The following ARHGEF26 variants were observed in gnomAD, a reference collection of about 807,000 sequenced individuals.
The protein encoded by ARHGEF26 is Rho guanine nucleotide exchange factor 26.
ARHGEF26 carries 59 observed loss-of-function variants against 89.4 expected under a neutral mutation model. That is an observed-to-expected ratio of 0.66 (90% confidence interval 0.54 to 0.82). The LOEUF (loss-of-function observed/expected upper bound fraction) is 0.82. ARHGEF26 is among the 40% of genes least tolerant of loss of function. The pLI, the probability that ARHGEF26 is intolerant of heterozygous loss-of-function variation, is 0.00. For missense variants in ARHGEF26, 1,234 were observed against 1,085.6 expected (o/e 1.14, Z -1.92); for synonymous variants, 500 against 428.4 (o/e 1.17, Z -2.06).
At chr3:154,171,619 T>C (rs1352960681) in intron 6 of ARHGEF26, among the ~76,000 whole-genome samples, 1 of 152,176 alleles carries the variant, frequency 6.6e-6, no homozygotes, top group Non-Finnish European at 1.5e-5. Context: ...GCAGTAGTTA[T>C]TTGTCCCTTG....
At chr3:154,204,173 C>G (rs1332963149) in intron 9 of ARHGEF26, among the ~76,000 whole-genome samples, 1 of 152,060 alleles carries the variant, frequency 6.6e-6, no homozygotes, top group Non-Finnish European at 1.5e-5. Flanking sequence ...AATCTCATTA[C>G]TTGTTACTGG....
At chr3:154,148,224 AG>A (rs1463337860) in intron 4 of ARHGEF26, among the ~76,000 whole-genome samples, 1 of 152,230 alleles carries the variant, frequency 6.6e-6, no homozygotes, top group Non-Finnish European at 1.5e-5. Flanking sequence ...AGAAACTTTC[AG>A]GCTCCCCAAA....
intron 6 of ARHGEF26, among the ~76,000 whole-genome samples, chr3:154,174,329 T>A (rs1712665739): frequency 1.3e-5 from 2 of 152,160 alleles, no homozygotes; most frequent in South Asian, 4.1e-4. Flanking sequence ...CTAATTTAGG[T>A]TTTTAAAATA....
chr3:154,149,338 A>G, intron 4 of ARHGEF26, 51 bp from the exon 5 acceptor site: 1 of 1,500,692 alleles, frequency 6.7e-7, no homozygotes, highest in Non-Finnish European at 9.1e-7. Flanking sequence ...TGCCCTTGAA[A>G]CTTTTAAAGT....
chr3:154,254,011 G>T (rs74553366), intron 13 of ARHGEF26, among the ~76,000 whole-genome samples: 1,733 of 152,234 alleles, frequency 0.011, 32 homozygotes, highest in African/African-American at 0.04. Flanking sequence ...CGTCTCCTGG[G>T]TTCATACCAT....
intron 10 of ARHGEF26, among the ~76,000 whole-genome samples, chr3:154,223,971 A>G (rs1251459592): frequency 1.2e-5 from 1 of 80,896 alleles, no homozygotes; most frequent in Non-Finnish European, 2.5e-5. Context: ...GATGCCAGGT[A>G]ATAGAAAAAA....
chr3:154,212,493 T>G (rs370061203), intron 9 of ARHGEF26, among the ~76,000 whole-genome samples: 1 of 152,150 alleles, frequency 6.6e-6, no homozygotes, highest in South Asian at 2.1e-4. Context: ...TGGCTTTCTG[T>G]TCCAATATTA....
chr3:154,255,555 T>C lies in ARHGEF26; in HGVS notation c.*82T>C. On this transcript the variant is annotated 3_prime_UTR_variant, in exon 15 of 15. Transcript: ENST00000465093. ...GGTTCTGGGCTAGTTTTATTGTTAA[T>C]TTTGTCACAGCCTATTTAATTAAAA... The C allele has an allele frequency of 6.6e-7, 1 of 1,512,678 alleles. No individual in the cohort carries two copies. The highest frequency in any genetic ancestry group is 8.8e-7 in the Non-Finnish European group (1 of 1,134,618). 93.7% of individuals were successfully genotyped at this position (1,512,678 alleles called of 1,614,324 possible).
chr3:154,131,872 T>C (rs1484235764), intron 4 of ARHGEF26, among the ~76,000 whole-genome samples: 1 of 152,210 alleles, frequency 6.6e-6, no homozygotes, highest in African/African-American at 2.4e-5. Flanking sequence ...ATAGTGCATA[T>C]CCTTCAGTTC....
Position 154,217,267 on chromosome 3 carries a change from G to T in ARHGEF26, c.1846-602G>T, listed in dbSNP as rs1178947120. Among the ~76,000 whole-genome samples the T allele has an allele frequency of 1.1e-4, 17 of 150,818 alleles. 2 individuals carry two copies. The highest frequency in any genetic ancestry group is 2.0e-4 in the East Asian group (1 of 5,004). The stretch of plus-strand genomic sequence containing the variant: ...TGGTATCTCATTGTGGTTTTGATTT[G>T]CATTTCTCTGATGGCCAGTGATGAT... On this transcript the variant is annotated intron_variant, in intron 9 of 14. Coordinates refer to ENST00000465093, the MANE Select transcript of ARHGEF26 (RefSeq NM_015595.4).
At chr3:154,162,465 T>G (rs1711723209) in intron 6 of ARHGEF26, among the ~76,000 whole-genome samples, 1 of 152,184 alleles carries the variant, frequency 6.6e-6, no homozygotes, top group Admixed American at 6.5e-5. Flanking sequence ...TTCATCTGAT[T>G]TAATCCTTAA....
chr3:154,195,061 G>A (rs1021855011), intron 9 of ARHGEF26, among the ~76,000 whole-genome samples: 11 of 152,334 alleles, frequency 7.2e-5, no homozygotes, highest in Middle Eastern at 3.4e-3. Flanking sequence ...AGTGAGGCAC[G>A]TGTAGTCACT....
At chr3:154,149,041 G>A (rs1283338852) in intron 4 of ARHGEF26, among the ~76,000 whole-genome samples, 3 of 152,100 alleles carry the variant, frequency 2.0e-5, no homozygotes, top group South Asian at 2.1e-4. Context: ...GACTGGCGTC[G>A]ATGCAGATCC....
intron 4 of ARHGEF26, among the ~76,000 whole-genome samples, chr3:154,146,082 G>A (rs114113600): frequency 0.023 from 3,520 of 152,222 alleles, 121 homozygotes; most frequent in African/African-American, 0.081. Flanking sequence ...ACCATAAATT[G>A]GATAGCTTAT....
chr3:154,122,754 T>G lies in ARHGEF26; in HGVS notation c.762T>G (p.Ser254Arg), dbSNP rs766134813. Reference protein sequence around the residue: ...KVGKQQIIPKSLASEIKISKS... With the variant: ...KVGKQQIIPKRLASEIKISKS... ...GGAAGCAGCAGATCATTCCGAAGAG[T>G]CTGGCCTCGGAAATTAAAATAAGTA... The change falls in exon 2 of 15, where the codon AGT becomes AGG. Residue 254 changes from serine (S) to arginine (R), a missense_variant. Transcript: ENST00000465093. The G allele has an allele frequency of 1.9e-6, 3 of 1,611,762 alleles. No homozygotes were observed. In the East Asian group the frequency reaches 6.7e-5, roughly 36 times the overall value.
chr3:154,130,202 A>G (rs966818975), intron 4 of ARHGEF26, among the ~76,000 whole-genome samples: 3 of 124,576 alleles, frequency 2.4e-5, no homozygotes, highest in African/African-American at 9.6e-5. Flanking sequence ...GCTGGAGTTC[A>G]GTGGCGTGAT....
chr3:154,159,161 GT>G (rs1224878701), intron 6 of ARHGEF26, among the ~76,000 whole-genome samples: 1 of 151,994 alleles, frequency 6.6e-6, no homozygotes, highest in African/African-American at 2.4e-5. Context: ...TCAATTCTGA[GT>G]TTTCATTCTA....
At chr3:154,191,862 C>T (rs927654631) in intron 8 of ARHGEF26, among the ~76,000 whole-genome samples, 6 of 152,182 alleles carry the variant, frequency 3.9e-5, no homozygotes, top group Admixed American at 2.6e-4. Context: ...ATGAGAGTCT[C>T]TTCAGCATGA....
intron 11 of ARHGEF26, 109 bp from the exon 12 acceptor site, chr3:154,240,261 C>G (rs1380614346): frequency 2.8e-6 from 2 of 702,862 alleles, no homozygotes; most frequent in East Asian, 5.5e-5. Flanking sequence ...TTCTTTCCCT[C>G]TCCTTCCTGC....
Sources: allele counts gnomAD v4.1 joint callset (sites outside exome capture counted in the v4.1 genomes callset), GRCh38; gene constraint gnomAD v4.1.1; transcripts MANE v1.5; gene names NCBI Gene and HGNC (gene_info 2026-07-23, HGNC 2026-07-21).